SQSTM1: variants seen among roughly 807,000 people sequenced by gnomAD.
The protein encoded by SQSTM1 is sequestosome-1.
Under a neutral mutation model 45.1 loss-of-function variants are expected in SQSTM1, and 36 were observed. The observed-to-expected ratio is 0.80, with a 90% CI of 0.61 to 1.05. The LOEUF (loss-of-function observed/expected upper bound fraction) is 1.05, where lower values mean the gene tolerates loss of function less well. Ranked by LOEUF, SQSTM1 falls within the 50% of genes least tolerant of loss-of-function variation. The pLI, the probability that SQSTM1 is intolerant of heterozygous loss-of-function variation, is 0.00. For missense variants in SQSTM1, 617 were observed against 607.1 expected, an observed-to-expected ratio of 1.02 and a Z score of -0.17; for synonymous variants, 290 against 244.3, an observed-to-expected ratio of 1.19 and a Z score of -1.74.
rs1488563402 is a variant in SQSTM1 at position 179,836,863 on chromosome 5, C to G, written c.*270C>G. Reference sequence around the variant, plus strand: ...AGGCTCACTGCAGCGCGCTCCTGACCCCTCCCTGCAGGGGCTACGTTAGCA... The same window carrying G: ...AGGCTCACTGCAGCGCGCTCCTGACGCCTCCCTGCAGGGGCTACGTTAGCA... On this transcript the variant is annotated 3_prime_UTR_variant, in exon 8 of 8. Coordinates refer to ENST00000389805, the MANE Select transcript of SQSTM1 (RefSeq NM_003900.5). 1 of 622,614 alleles carries G rather than the reference C, an allele frequency of 1.6e-6. No individual in the cohort carries two copies. The highest frequency in any genetic ancestry group is 2.8e-6 in the Non-Finnish European group (1 of 353,516). 38.6% of individuals were successfully genotyped at this position (622,614 alleles called of 1,614,324 possible). A position where few individuals can be genotyped will look rare whatever the true frequency, so the allele number is the denominator to read the frequency against.
chr5:179,824,896 T>C (rs780310085), intron 4 of SQSTM1, among the ~76,000 whole-genome samples: 2 of 151,986 alleles, frequency 1.3e-5, no homozygotes, highest in Non-Finnish European at 2.9e-5. Context: ...CCTGAGCCTC[T>C]GTGGGGTTGC....
rs1757962022 is a variant in SQSTM1 at position 179,825,747 on chromosome 5, C to T, written c.754+521C>T. 2.0e-5 allele frequency among the ~76,000 whole-genome samples: 3 copies of T among 152,170 alleles called. No homozygotes were observed. The South Asian group carries it at 6.2e-4, about 31-fold the overall frequency. On this transcript the variant is annotated intron_variant, in intron 5 of 7. Coordinates refer to ENST00000389805, the MANE Select transcript of SQSTM1 (RefSeq NM_003900.5). ...TGGGTGACACCCGGTTCTGGTGCCTCAGGTTGCACAGTGGGTCTGTGGGGT... is the reference window on the plus strand; with the variant it reads ...TGGGTGACACCCGGTTCTGGTGCCTTAGGTTGCACAGTGGGTCTGTGGGGT...
At chr5:179,820,529 T>G (rs528742427), upstream of SQSTM1, 23 of 168,414 alleles carry the variant, frequency 1.4e-4, no homozygotes, top group African/African-American at 5.2e-4. Context: ...CTCCCTGCAC[T>G]GGGTACCCCC....
At position 179,823,034 on chromosome 5, in the gene SQSTM1, C is replaced by T. The variant is rs1311936382; in HGVS notation, c.282C>T (p.Ile94=). The change falls in exon 2 of 8, where the codon ATC becomes ATT. Residue 94 remains isoleucine, a synonymous_variant. Coordinates refer to ENST00000389805, the MANE Select transcript of SQSTM1 (RefSeq NM_003900.5). ...CCATGTCCTACGTGAAGGATGACAT[C>T]TTCCGAATCTACATTAAAGGTAAGG... ...TMAMSYVKDD[I]FRIYIKEKKE... 3 of 1,614,124 alleles carry T rather than the reference C, an allele frequency of 1.9e-6. No individual in the cohort carries two copies. In the South Asian group the frequency reaches 3.3e-5, roughly 18 times the overall value.
intron 1 of SQSTM1, among the ~76,000 whole-genome samples, chr5:179,822,049 C>G (rs1394666498): frequency 6.6e-6 from 1 of 152,184 alleles, no homozygotes; most frequent in Non-Finnish European, 1.5e-5. Context: ...GGTTTGTGGA[C>G]CATATTCAGT....
chr5:179,819,495 C>G (rs1051623265), upstream of SQSTM1, among the ~76,000 whole-genome samples: 18 of 152,254 alleles, frequency 1.2e-4, no homozygotes, highest in Admixed American at 3.3e-4. Context: ...CCTTGTGTCC[C>G]TCACCCTGCT....
At chr5:179,808,933 C>T (rs1757304692) in intron 1 of SQSTM1, among the ~76,000 whole-genome samples, 1 of 150,734 alleles carries the variant, frequency 6.6e-6, no homozygotes, top group African/African-American at 2.4e-5. Context: ...TCTGGGCTCA[C>T]TGCAAGCTCC....
At position 179,837,700 on chromosome 5, in the gene SQSTM1, A is replaced by G. The variant is rs763199567; in HGVS notation, c.*1107A>G. 153 of 1,613,954 alleles carry G rather than the reference A, an allele frequency of 9.5e-5. No homozygotes were observed. The highest frequency in any genetic ancestry group is 1.3e-4 in the Non-Finnish European group (149 of 1,179,892). ...GAGACCTTGGCTGCTCACTGTCCAC[A>G]TGTGAACTTTTTCTAGGTGGCAGGA... is the stretch of plus-strand genomic sequence containing the variant. On this transcript the variant is annotated 3_prime_UTR_variant, in exon 8 of 8. Coordinates refer to ENST00000389805, the MANE Select transcript of SQSTM1 (RefSeq NM_003900.5).
At chr5:179,821,611 A>G in intron 1 of SQSTM1, 1 of 439,588 alleles carries the variant, frequency 2.3e-6, no homozygotes, top group East Asian at 8.0e-5. Flanking sequence ...GGAGGGAGTG[A>G]CGCGGGTAAA....
rs760096900 is a variant in SQSTM1 at position 179,836,628 on chromosome 5, C to G, written c.*35C>G. The G allele has an allele frequency of 4.3e-6, 7 of 1,613,786 alleles. No homozygotes were observed. The highest frequency in any genetic ancestry group is 4.5e-5 in the East Asian group (2 of 44,900). ...CCCACCTCTTCTGCGTGCCCCTCTT[C>G]TGTCTCATAGTTGTGTTAAGCTTGC... On this transcript the variant is annotated 3_prime_UTR_variant, in exon 8 of 8. Coordinates refer to ENST00000389805, the MANE Select transcript of SQSTM1 (RefSeq NM_003900.5).
chr5:179,806,785 C>G lies in SQSTM1; in HGVS notation c.-157+194C>G, dbSNP rs1301697209. 3.3e-5 allele frequency: 5 copies of G among 149,458 alleles called. No individual in the cohort carries two copies. Among genetic ancestry groups the G allele is most frequent in the African/African-American group, 1.2e-4 (5 of 41,100 alleles). The allele number at this position is 149,458 out of a possible 1,614,324, so 9.3% of individuals were successfully genotyped here. On this transcript the variant is annotated intron_variant, in intron 1 of 5. Transcript: ENST00000514093. This position sits in a 1 kb window ranked among gnomAD's most constrained non-coding sequence, Gnocchi z 4.6. ...CCCCTCAGGGCGCAAGCTTTGTGCC[C>G]TGTACTCAGGGAAGAGGAACAGGCT...
intron 1 of SQSTM1, among the ~76,000 whole-genome samples, chr5:179,809,585 C>T (rs1259448944): frequency 2.7e-5 from 4 of 147,744 alleles, no homozygotes; most frequent in Admixed American, 2.0e-4. Context: ...GATCCACCTG[C>T]TTCAGCCTCC....
At chr5:179,810,482 A>G (rs1401720192) in intron 1 of SQSTM1, among the ~76,000 whole-genome samples, 4 of 152,192 alleles carry the variant, frequency 2.6e-5, no homozygotes, top group African/African-American at 9.7e-5. Flanking sequence ...TCCATGGTGT[A>G]TATGTGCCAC....
chr5:179,812,276 G>T (rs924244439), intron 2 of SQSTM1: 4 of 152,208 alleles, frequency 2.6e-5, no homozygotes, highest in Non-Finnish European at 5.9e-5. Flanking sequence ...GGTGCCTCGG[G>T]CTCCTTCCAG....
chr5:179,817,966 G>A (rs1757633516), upstream of SQSTM1, among the ~76,000 whole-genome samples: 1 of 129,018 alleles, frequency 7.8e-6, no homozygotes, highest in South Asian at 2.5e-4. Flanking sequence ...AGTGAGCTGA[G>A]ATCGTGCCAC....
chr5:179,816,885 C>T (rs1562643101), upstream of SQSTM1, among the ~76,000 whole-genome samples: 1 of 152,124 alleles, frequency 6.6e-6, no homozygotes, highest in Admixed American at 6.5e-5. Flanking sequence ...CACCCGGTGA[C>T]GGAGGGAGGG....
upstream of SQSTM1, among the ~76,000 whole-genome samples, chr5:179,817,346 C>T (rs910203142): frequency 6.6e-6 from 1 of 152,212 alleles, no homozygotes; most frequent in Non-Finnish European, 1.5e-5. Flanking sequence ...ATCCCTCCCC[C>T]CTTTTCCCCA....
intron 1 of SQSTM1, among the ~76,000 whole-genome samples, chr5:179,811,380 CAGGGGGAGGAGCTAT>C (rs1757395810): frequency 9.3e-5 from 1 of 10,762 alleles, no homozygotes; most frequent in African/African-American, 2.6e-4. Context: ...GAGGAGCATG[CAGGGGGAGGAGCTAT>C]GCAGGGGGAG....
intron 7 of SQSTM1, 108 bp from the exon 8 acceptor site, chr5:179,836,328 G>C: frequency 2.7e-6 from 4 of 1,485,470 alleles, no homozygotes; most frequent in African/African-American, 1.4e-5. Flanking sequence ...GGGCAGGCTC[G>C]GACACTGGCA....
Sources: gnomAD v4.1 joint callset for allele counts (sites outside exome capture counted in the v4.1 genomes callset) on GRCh38, gnomAD v4.1.1 for gene constraint, Gnocchi (gnomAD v3.1) non-coding constraint, MANE v1.5 for transcripts, NCBI Gene and HGNC (gene_info 2026-07-23, HGNC 2026-07-21) for gene names.